The following BRWD1 variants were observed in gnomAD, a reference collection of about 807,000 sequenced individuals.
BRWD1 encodes bromodomain and WD repeat-containing protein 1.
In BRWD1, 82 loss-of-function variants were observed where a neutral mutation model predicts 251.2. The ratio of observed to expected loss-of-function variants is 0.33; its 90% CI spans 0.27 to 0.39. BRWD1 has a LOEUF of 0.39. Among genes scored for constraint, BRWD1 ranks in the 10% least tolerant of loss-of-function variants. BRWD1 has a pLI of 1.00. For synonymous variants in BRWD1, 918 were observed against 902.8 expected, an observed-to-expected ratio of 1.02 and a Z score of -0.30; for missense variants, 2,233 against 2,711.6, an observed-to-expected ratio of 0.82 and a Z score of 3.92.
chr21:39,196,086 G>A lies in BRWD1; in HGVS notation c.*173C>T. ...CACCTGTGCTGAATGCTGCTACAAA[G>A]ACCAGCAAGTGCAAATAAAAATAAC... On this transcript the variant is annotated 3_prime_UTR_variant, in exon 41 of 41. Transcript: ENST00000342449. The A allele has an allele frequency of 5.1e-6, 7 of 1,372,956 alleles. No homozygotes were observed. The highest frequency in any genetic ancestry group is 6.6e-6 in the Non-Finnish European group (7 of 1,068,364). 85.0% of individuals were successfully genotyped at this position (1,372,956 alleles called of 1,614,324 possible). A position where few individuals can be genotyped will look rare whatever the true frequency, so the allele number is the denominator to read the frequency against.
rs1301767853 is a variant in BRWD1 at position 39,236,643 on chromosome 21, A to G, written c.2718T>C (p.Pro906=). Residue 906 remains proline, a synonymous_variant, in exon 23 of 41, where the codon CCT becomes CCC. Transcript: ENST00000342449. ...EDEISTENLS[P]PKRRRKRKKE... ...TCTTTCTCTTTCGTCTTCTTTTTGG[A>G]GGAGATAAATTCTCAGTAGATATTT... The G allele has an allele frequency of 5.0e-6, 8 of 1,611,928 alleles. No homozygotes were observed. The highest frequency in any genetic ancestry group is 6.8e-6 in the Non-Finnish European group (8 of 1,179,280).
At chr21:39,224,958 G>T in intron 28 of BRWD1, 128 bp downstream of exon 28, 1 of 681,136 alleles carries the variant, frequency 1.5e-6, no homozygotes, top group Non-Finnish European at 2.5e-6. Context: ...AGACATTTCG[G>T]GTCAGCCTGA....
intron 8 of BRWD1, among the ~76,000 whole-genome samples, chr21:39,281,142 G>A (rs917090333): frequency 1.3e-5 from 2 of 152,190 alleles, no homozygotes; most frequent in Non-Finnish European, 2.9e-5. Flanking sequence ...ATGCGGCAAT[G>A]GGGTAAATGA....
intron 25 of BRWD1, among the ~76,000 whole-genome samples, chr21:39,230,641 A>G (rs1016747017): frequency 6.6e-6 from 1 of 152,162 alleles, no homozygotes; most frequent in African/African-American, 2.4e-5. Flanking sequence ...TACCTTCTCC[A>G]TAAGGCACAT....
chr21:39,278,061 C>T (rs372950398), intron 10 of BRWD1, among the ~76,000 whole-genome samples: 1 of 152,168 alleles, frequency 6.6e-6, no homozygotes, highest in South Asian at 2.1e-4. Flanking sequence ...GTTGCCAGGG[C>T]TGGGCTCGAA....
At chr21:39,258,461 G>T in intron 18 of BRWD1, 26 bp downstream of exon 18, 1 of 1,516,576 alleles carries the variant, frequency 6.6e-7, no homozygotes, top group Non-Finnish European at 8.9e-7. Context: ...CCATATTCAG[G>T]TAAAACATTT....
chr21:39,298,162 A>G, intron 5 of BRWD1: 1 of 1,091,348 alleles, frequency 9.2e-7, no homozygotes, highest in South Asian at 4.4e-5. Flanking sequence ...AAGAACTCAC[A>G]TTGATAAAAC....
chr21:39,201,364 A>G (rs1435884781), intron 38 of BRWD1, among the ~76,000 whole-genome samples: 1 of 152,128 alleles, frequency 6.6e-6, no homozygotes, highest in Non-Finnish European at 1.5e-5. Flanking sequence ...TCACTGCCAA[A>G]CTTAATCTTC....
chr21:39,314,134 C>A, upstream of BRWD1: 1 of 455,974 alleles, frequency 2.2e-6, no homozygotes, highest in South Asian at 1.5e-5. Context: ...GCACGGAAGA[C>A]CCCTCGCTTC....
chr21:39,320,242 A>G (rs2036734597), intron 1 of BRWD1, among the ~76,000 whole-genome samples: 1 of 152,152 alleles, frequency 6.6e-6, no homozygotes, highest in Non-Finnish European at 1.5e-5. Flanking sequence ...AGTAACTGCT[A>G]TTTGTGTGCA....
intron 23 of BRWD1, among the ~76,000 whole-genome samples, chr21:39,236,380 T>A (rs2033812219): frequency 6.6e-6 from 1 of 151,958 alleles, no homozygotes. Context: ...CCCTTCAGAA[T>A]CCCCAAGACA....
intron 31 of BRWD1, chr21:39,217,036 AATATAT>A (rs1300749113): frequency 4.9e-5 from 1 of 20,424 alleles, no homozygotes; most frequent in African/African-American, 1.7e-4. Flanking sequence ...TATATATATA[AATATAT>A]ATATATATTT....
intron 8 of BRWD1, among the ~76,000 whole-genome samples, chr21:39,286,939 G>A (rs2035660622): frequency 6.6e-6 from 1 of 152,078 alleles, no homozygotes; most frequent in Non-Finnish European, 1.5e-5. Flanking sequence ...AGTACCATGA[G>A]CACCCATACA....
intron 13 of BRWD1, among the ~76,000 whole-genome samples, chr21:39,270,770 A>G (rs780200621): frequency 1.3e-5 from 2 of 152,238 alleles, no homozygotes; most frequent in African/African-American, 2.4e-5. Flanking sequence ...CTTACTTTCA[A>G]CTGTTTCTCT....
rs1387048628 is a variant in BRWD1, at chr21:39,187,180, C to T, written c.*9079G>A. On this transcript the variant is annotated 3_prime_UTR_variant, in exon 41 of 41. Coordinates refer to ENST00000342449, the MANE Select transcript of BRWD1 (RefSeq NM_033656.4). ...TTTCTTAGCCGCAGCAGAAGCATTT[C>T]GATGGGGCAGTTTTCTGCTACTCTT... 8.7e-6 allele frequency: 14 copies of T among 1,613,648 alleles called. No individual in the cohort carries two copies. Among genetic ancestry groups the T allele is most frequent in the Non-Finnish European group, 1.2e-5 (14 of 1,179,890 alleles).
Position 39,196,319 on chromosome 21 carries a change from A to G in BRWD1, c.6750T>C (p.His2250=). 2 of 1,612,466 alleles carry G rather than the reference A, an allele frequency of 1.2e-6. No individual in the cohort carries two copies. The highest frequency in any genetic ancestry group is 1.7e-6 in the Non-Finnish European group (2 of 1,179,330). ...CTAAACTTCTGTCATCATCCCCATC[A>G]TGGTATCTCACAGTCCTTCTACCCT... ...RNQGRRTVRY[H]DGDDDRSLEN... Residue 2250 remains histidine (H), a synonymous_variant, in exon 41 of 41, where the codon CAT becomes CAC. Transcript: ENST00000342449.
intron 19 of BRWD1, among the ~76,000 whole-genome samples, chr21:39,254,172 A>G (rs2034488579): frequency 6.6e-6 from 1 of 152,234 alleles, no homozygotes; most frequent in Non-Finnish European, 1.5e-5. Flanking sequence ...AGGCTGAGGC[A>G]GGAGAATCAC....
At chr21:39,226,450 G>T (rs2836947) in intron 27 of BRWD1, among the ~76,000 whole-genome samples, 15,330 of 152,164 alleles carry the variant, frequency 0.1, 899 homozygotes, top group East Asian at 0.14. Context: ...CTAAATTACA[G>T]GAGGCATCTG....
In BRWD1 at chr21:39,295,613, A is replaced by G. The variant is rs558215714; in HGVS notation, c.609+130T>C. 1.0e-5 allele frequency: 6 copies of G among 594,456 alleles called. No homozygotes were observed. The African/African-American group carries it at 1.1e-4, about 11-fold the overall frequency. 36.8% of individuals were successfully genotyped at this position (594,456 alleles called of 1,614,324 possible). A position where few individuals can be genotyped will look rare whatever the true frequency, so the allele number is the denominator to read the frequency against. On this transcript the variant is annotated intron_variant, in intron 7 of 40. Coordinates refer to ENST00000342449, the MANE Select transcript of BRWD1 (RefSeq NM_033656.4). ...CACTTATTAAAAATACAAATTCGTGAGACCCACACCATACCTACTGAGTCA... is the reference window on the plus strand; with the variant it reads ...CACTTATTAAAAATACAAATTCGTGGGACCCACACCATACCTACTGAGTCA...
Sources: allele counts gnomAD v4.1 joint callset (sites outside exome capture counted in the v4.1 genomes callset), GRCh38; gene constraint gnomAD v4.1.1; transcripts MANE v1.5; gene names NCBI Gene and HGNC (gene_info 2026-07-23, HGNC 2026-07-21).